The following TMC2 variants were observed in gnomAD, a reference collection of about 807,000 sequenced individuals.
The protein encoded by TMC2 is transmembrane channel-like protein 2.
A neutral mutation model predicts 105.9 loss-of-function variants in TMC2; 102 were observed. The ratio of observed to expected loss-of-function variants is 0.96; its 90% CI spans 0.82 to 1.14. The LOEUF is 1.14. Ranked by LOEUF, TMC2 falls within the 50% of genes most tolerant of loss-of-function variation. The pLI, the probability that TMC2 is intolerant of heterozygous loss-of-function variation, is 0.00. For missense variants in TMC2, 1,093 were observed against 1,134.3 expected (o/e 0.96, Z 0.52); for synonymous variants, 402 against 422.8 (o/e 0.95, Z 0.60).
At chr20:2,579,017 C>A in intron 5 of TMC2, 129 bp from the exon 6 acceptor site, 1 of 653,128 alleles carries the variant, frequency 1.5e-6, no homozygotes, top group Non-Finnish European at 2.8e-6. Context: ...GAGCTGGGGA[C>A]TGCAAGACAG....
intron 8 of TMC2, among the ~76,000 whole-genome samples, chr20:2,593,872 G>C (rs1219950152): frequency 6.6e-6 from 1 of 152,162 alleles, no homozygotes; most frequent in Non-Finnish European, 1.5e-5. Flanking sequence ...CAAAGGAACT[G>C]TTCATGACCT....
intron 7 of TMC2, among the ~76,000 whole-genome samples, chr20:2,588,012 T>TC (rs59961414): frequency 0.051 from 7,331 of 144,278 alleles, 331 homozygotes; most frequent in African/African-American, 0.12. Context: ...TCTTGTATAA[T>TC]CCCCCCCCCC....
In TMC2 at chr20:2,616,011, C is replaced by T; in HGVS notation, c.1873-126C>T. 1 of 641,528 alleles carries T rather than the reference C, an allele frequency of 1.6e-6. No individual in the cohort carries two copies. Among genetic ancestry groups the T allele is most frequent in the Non-Finnish European group, 2.7e-6 (1 of 365,472 alleles). 39.7% of individuals were successfully genotyped at this position (641,528 alleles called of 1,614,324 possible). A position where few individuals can be genotyped will look rare whatever the true frequency, so the allele number is the denominator to read the frequency against. On this transcript the variant is annotated intron_variant, in intron 14 of 19. Transcript: ENST00000358864. The surrounding 1 kb of genome is among the most constrained non-coding windows in gnomAD (Gnocchi z 4.8). The stretch of plus-strand genomic sequence containing the variant: ...AAATCTAAGGTTCTTCTCTAGTTAC[C>T]AGAGCAGGCTCTTTGGGATGGAATG...
chr20:2,630,209 A>AAGGC (rs2086594079), intron 17 of TMC2, among the ~76,000 whole-genome samples: 1 of 152,220 alleles, frequency 6.6e-6, no homozygotes, highest in Non-Finnish European at 1.5e-5. Flanking sequence ...AGTCGATTGC[A>AAGGC]TTGGATAGAA....
chr20:2,589,898 T>C (rs1450186224), intron 7 of TMC2, among the ~76,000 whole-genome samples: 2 of 152,190 alleles, frequency 1.3e-5, no homozygotes, highest in African/African-American at 4.8e-5. Flanking sequence ...CTCGATCTTC[T>C]GACCTCATGA....
At position 2,643,443 on chromosome 20, in the gene TMC2, C is replaced by T. The variant is rs4815452; in HGVS notation, c.*2092C>T. ...GGTTACTAATACACATAAATACCCA[C>T]CACAAACACAAACCAACCATCCTGA... On this transcript the variant is annotated 3_prime_UTR_variant, in exon 20 of 20. Transcript: ENST00000358864. Among the ~76,000 whole-genome samples the T allele has an allele frequency of 0.62, 93,663 of 152,084 alleles. 29,230 individuals are homozygous for T. Among genetic ancestry groups the T allele is most frequent in the East Asian group, 0.86 (4,429 of 5,178 alleles).
intron 5 of TMC2, among the ~76,000 whole-genome samples, chr20:2,575,604 T>C (rs2086138503): frequency 6.6e-6 from 1 of 152,244 alleles, no homozygotes; most frequent in Admixed American, 6.5e-5. Context: ...AACATTGTGT[T>C]GTACAGCAGG....
chr20:2,639,606 T>G (rs2086674020), intron 19 of TMC2, among the ~76,000 whole-genome samples: 1 of 152,242 alleles, frequency 6.6e-6, no homozygotes, highest in Admixed American at 6.5e-5. Context: ...GATGCATTTC[T>G]CAGAATGTAT....
chr20:2,572,043 C>T, intron 4 of TMC2, 136 bp from the exon 5 acceptor site: 1 of 681,756 alleles, frequency 1.5e-6, no homozygotes, highest in South Asian at 1.9e-5. Context: ...GAATGTCGTG[C>T]CTTCATGGAA....
At chr20:2,604,121 C>T (rs2086371581) in intron 11 of TMC2, among the ~76,000 whole-genome samples, 1 of 152,204 alleles carries the variant, frequency 6.6e-6, no homozygotes, top group South Asian at 2.1e-4. Context: ...AAGTGGGCAT[C>T]GCTGTTTCTC....
intron 2 of TMC2, among the ~76,000 whole-genome samples, chr20:2,556,695 C>G (rs1465499519): frequency 6.6e-6 from 1 of 152,186 alleles, no homozygotes; most frequent in Non-Finnish European, 1.5e-5. Context: ...GCTATGATGG[C>G]ACCACTGCAC....
chr20:2,597,047 C>G, intron 9 of TMC2, 104 bp from the exon 10 acceptor site: 1 of 1,266,006 alleles, frequency 7.9e-7, no homozygotes, highest in Non-Finnish European at 1.1e-6. Context: ...TGTCAGCTAC[C>G]TGTTTATCTG....
chr20:2,560,516 C>T (rs562349726), intron 3 of TMC2, among the ~76,000 whole-genome samples: 1 of 152,266 alleles, frequency 6.6e-6, no homozygotes, highest in East Asian at 1.9e-4. Context: ...CTGTCTCACT[C>T]AGCTGAGAGT....
At chr20:2,603,062 C>T (rs2086363432) in intron 11 of TMC2, among the ~76,000 whole-genome samples, 1 of 152,176 alleles carries the variant, frequency 6.6e-6, no homozygotes, top group African/African-American at 2.4e-5. Flanking sequence ...CTGAGACCTT[C>T]GTCATGTGAA....
intron 4 of TMC2, among the ~76,000 whole-genome samples, chr20:2,571,768 A>C (rs1253399867): frequency 1.3e-5 from 2 of 152,224 alleles, no homozygotes; most frequent in East Asian, 3.8e-4. Context: ...TGGGAGGCCG[A>C]GGCAGGTGAC....
chr20:2,584,210 C>T (rs183914221), intron 7 of TMC2, among the ~76,000 whole-genome samples: 2,349 of 151,908 alleles, frequency 0.015, 68 homozygotes, highest in African/African-American at 0.052. Context: ...TTTGGGAGGC[C>T]GAGGCGGGCG....
At chr20:2,579,335 G>T in intron 6 of TMC2, 108 bp downstream of exon 6, 3 of 489,104 alleles carry the variant, frequency 6.1e-6, no homozygotes, top group East Asian at 3.6e-5. Flanking sequence ...TGGTTCTGTT[G>T]TATTAGGAAA....
Position 2,643,289 on chromosome 20 carries a change from C to T in TMC2, c.*1938C>T, listed in dbSNP as rs1488617176. On this transcript the variant is annotated 3_prime_UTR_variant, in exon 20 of 20. Transcript: ENST00000358864. ...GGCACTGTAACCCAACCAATCAGGA[C>T]CAGAAGGCCCAAAGATGGCCACCAC... Among the ~76,000 whole-genome samples the T allele has an allele frequency of 2.0e-5, 3 of 152,142 alleles. No individual in the cohort carries two copies. The East Asian group carries it at 5.8e-4, about 29-fold the overall frequency.
chr20:2,539,932 A>C (rs1437119498), intron 2 of TMC2, among the ~76,000 whole-genome samples: 1 of 150,566 alleles, frequency 6.6e-6, no homozygotes. Context: ...AATACAGGAC[A>C]GGTTCTCTTA....
Sources: allele counts gnomAD v4.1 joint callset (sites outside exome capture counted in the v4.1 genomes callset), GRCh38; gene constraint gnomAD v4.1.1; non-coding constraint Gnocchi (gnomAD v3.1); transcripts MANE v1.5; gene names NCBI Gene and HGNC (gene_info 2026-07-23, HGNC 2026-07-21).